Variants in GCA observed in about 807,000 individuals in gnomAD.
GCA encodes the protein grancalcin, also known as grancalcin, EF-hand calcium-binding protein.
In GCA, 30 loss-of-function variants were observed where a neutral mutation model predicts 32.6. The ratio of observed to expected loss-of-function variants is 0.92; its 90% CI spans 0.69 to 1.25. The LOEUF (loss-of-function observed/expected upper bound fraction) is 1.25, where lower values mean the gene tolerates loss of function less well. Ranked by LOEUF, GCA falls within the 50% of genes most tolerant of loss-of-function variation. The pLI is 0.00. For synonymous variants in GCA, 102 were observed against 84.6 expected (o/e 1.21, Z -1.13); for missense variants, 291 against 266.8 (o/e 1.09, Z -0.63).
chr2:162,347,986 G>T lies in GCA; in HGVS notation c.192+244G>T, dbSNP rs566925802. Among the ~76,000 whole-genome samples the T allele has an allele frequency of 5.3e-5, 8 of 152,152 alleles. 1 individual carries two copies. Among genetic ancestry groups the T allele is most frequent in the Admixed American group, 5.2e-4 (8 of 15,276 alleles). On this transcript the variant is annotated intron_variant, in intron 2 of 7. Transcript: ENST00000437150. ...AGGAAACATTGTTTTCCATAGTGCG[G>T]AAATCTGATTCTTTCTTACCTAGTA...
At chr2:162,321,834 G>A (rs551406138) in intron 1 of GCA, among the ~76,000 whole-genome samples, 12 of 144,756 alleles carry the variant, frequency 8.3e-5, no homozygotes, top group African/African-American at 2.6e-4. Context: ...GAGATGGTGC[G>A]GTGCTAGTCT....
intron 5 of GCA, 35 bp from the exon 6 acceptor site, chr2:162,359,009 T>C: frequency 2.0e-6 from 2 of 999,482 alleles, no homozygotes; most frequent in Non-Finnish European, 3.1e-6. Flanking sequence ...CTTATGTTAT[T>C]TACATTTAGA....
At chr2:162,371,641 C>T (rs557313177), downstream of GCA, 20 of 772,178 alleles carry the variant, frequency 2.6e-5, no homozygotes, top group South Asian at 4.5e-4. Flanking sequence ...ACCAAAAGTT[C>T]TTATGTATAT....
upstream of GCA, among the ~76,000 whole-genome samples, chr2:162,339,570 A>G (rs950840620): frequency 1.3e-5 from 2 of 152,184 alleles, no homozygotes; most frequent in Non-Finnish European, 1.5e-5. Flanking sequence ...CAATGGGATG[A>G]TATTTGGAGA....
intron 1 of GCA, among the ~76,000 whole-genome samples, chr2:162,347,097 A>G (rs1056150427): frequency 4.6e-5 from 7 of 152,304 alleles, no homozygotes; most frequent in African/African-American, 1.2e-4. Context: ...ATTGACATAT[A>G]AAGTTTTTAT....
chr2:162,358,454 A>G (rs934164261), intron 5 of GCA, among the ~76,000 whole-genome samples: 1 of 151,430 alleles, frequency 6.6e-6, no homozygotes, highest in Non-Finnish European at 1.5e-5. Context: ...TCACAGGACT[A>G]CTGAACAAAG....
chr2:162,358,321 T>C (rs1359959993), intron 5 of GCA, among the ~76,000 whole-genome samples: 1 of 151,544 alleles, frequency 6.6e-6, no homozygotes, highest in Non-Finnish European at 1.5e-5. Context: ...ATGTATTTTT[T>C]AAAATAGGAG....
At chr2:162,342,537 C>G (rs1684485585), upstream of GCA, among the ~76,000 whole-genome samples, 1 of 152,162 alleles carries the variant, frequency 6.6e-6, no homozygotes, top group Admixed American at 6.5e-5. Context: ...TGGAAGAACT[C>G]CAAGCTTAGG....
chr2:162,352,463 T>C, intron 3 of GCA, 56 bp downstream of exon 3: 1 of 1,045,522 alleles, frequency 9.6e-7, no homozygotes, highest in East Asian at 2.4e-5. Context: ...ATTTTCTTAC[T>C]TTTTTTGTCC....
At chr2:162,356,960 A>G (rs745817208) in intron 5 of GCA, 55 bp downstream of exon 5, 12 of 1,238,234 alleles carry the variant, frequency 9.7e-6, no homozygotes, top group Non-Finnish European at 1.3e-5. Flanking sequence ...TTCTTTGATT[A>G]GATGAACTTA....
chr2:162,328,218 CAAAA>C lies in GCA; in HGVS notation c.-31+9014_-31+9017del, dbSNP rs35156397. Among the ~76,000 whole-genome samples, 439 of 90,054 alleles carry C rather than the reference CAAAA, an allele frequency of 4.9e-3. 3 individuals carry two copies. The highest frequency in any genetic ancestry group is 0.018 in the African/African-American group (417 of 23,752). The allele number at this position is 90,054 out of a possible 152,430, so 59.1% of individuals were successfully genotyped here. A position where few individuals can be genotyped will look rare whatever the true frequency, so the allele number is the denominator to read the frequency against. ...CAACATGGTGAAACCCTGTTTCTAC[CAAAA>C]AAAAAAAAAAAAAAAAAAAATTAGC... On this transcript the variant is annotated intron_variant, in intron 1 of 4. Transcript: ENST00000429691.
intron 3 of GCA, among the ~76,000 whole-genome samples, chr2:162,355,471 TTTTCA>T: frequency 6.6e-6 from 1 of 152,206 alleles, no homozygotes; most frequent in Middle Eastern, 3.4e-3. Context: ...ATTTTGAAAA[TTTTCA>T]TTCATTCATA....
chr2:162,363,218 T>C (rs1424593089), downstream of GCA, among the ~76,000 whole-genome samples: 2 of 151,458 alleles, frequency 1.3e-5, no homozygotes, highest in Non-Finnish European at 3.0e-5. Flanking sequence ...AATAAATTTG[T>C]TAATATCTGG....
chr2:162,349,803 G>T (rs1392538294), intron 2 of GCA, among the ~76,000 whole-genome samples: 1 of 152,118 alleles, frequency 6.6e-6, no homozygotes, highest in Non-Finnish European at 1.5e-5. Context: ...ATACTAATGG[G>T]CAGAAACAGA....
Position 162,322,414 on chromosome 2 carries a change from T to TTTATTTATTTA in GCA, c.-31+3194_-31+3195insTATTTATTATT, listed in dbSNP as rs1354078926. 9.1e-4 allele frequency among the ~76,000 whole-genome samples: 117 copies of TTTATTTATTTA among 128,682 alleles called. 3 individuals are homozygous for TTTATTTATTTA. The highest frequency in any genetic ancestry group is 3.7e-3 in the African/African-American group (98 of 26,798). 84.4% of individuals were successfully genotyped at this position (128,682 alleles called of 152,430 possible). A position where few individuals can be genotyped will look rare whatever the true frequency, so the allele number is the denominator to read the frequency against. ...ATTTATTTATTTATTTATTTATTTA[T>TTTATTTATTTA]TTATTATTATACTTTAAGTTTTAGG... On this transcript the variant is annotated intron_variant, in intron 1 of 4. Transcript: ENST00000429691.
chr2:162,342,131 T>C (rs1684473550), upstream of GCA, among the ~76,000 whole-genome samples: 1 of 152,230 alleles, frequency 6.6e-6, no homozygotes, highest in Admixed American at 6.5e-5. Context: ...AAAAAAACTC[T>C]ATGGCCTTAT....
chr2:162,371,618 T>G, downstream of GCA: 2 of 817,752 alleles, frequency 2.4e-6, no homozygotes. Flanking sequence ...TGCTGGCAGT[T>G]TTAACATTTG....
downstream of GCA, among the ~76,000 whole-genome samples, chr2:162,367,414 T>C (rs574497470): frequency 9.2e-5 from 14 of 152,108 alleles, no homozygotes; most frequent in East Asian, 1.6e-3. Context: ...CTAAGGACTA[T>C]ATCATAGATC....
At chr2:162,328,255 G>A (rs1478708307) in intron 1 of GCA, among the ~76,000 whole-genome samples, 1 of 151,720 alleles carries the variant, frequency 6.6e-6, no homozygotes, top group Non-Finnish European at 1.5e-5. Context: ...AGCCGAGAAT[G>A]GTGGCATGTG....
Sources: allele counts gnomAD v4.1 joint callset (sites outside exome capture counted in the v4.1 genomes callset), GRCh38; gene constraint gnomAD v4.1.1; transcripts MANE v1.5; gene names NCBI Gene and HGNC (gene_info 2026-07-23, HGNC 2026-07-21).